Variants in LRRC4C observed in about 807,000 individuals in gnomAD.
LRRC4C encodes the protein leucine rich repeat containing 4C.
In LRRC4C, 5 loss-of-function variants were observed where a neutral mutation model predicts 33.6. That is an observed-to-expected ratio of 0.15 (90% CI 0.08 to 0.31). The LOEUF is 0.31. Among genes scored for constraint, LRRC4C ranks in the 10% least tolerant of loss-of-function variants. The pLI is 1.00. For synonymous variants in LRRC4C, 329 were observed against 302.0 expected, an observed-to-expected ratio of 1.09 and a Z score of -0.93; for missense variants, 560 against 796.7, an observed-to-expected ratio of 0.70 and a Z score of 3.58.
chr11:40,651,334 T>C (rs966903661), intron 2 of LRRC4C, among the ~76,000 whole-genome samples: 2 of 149,680 alleles, frequency 1.3e-5, no homozygotes, highest in Non-Finnish European at 3.0e-5. Context: ...ATAGTAGAAC[T>C]AATTAAAAAG....
chr11:40,972,026 G>C lies in LRRC4C; in HGVS notation c.-495-38303C>G, dbSNP rs141897808. Among the ~76,000 whole-genome samples the C allele has an allele frequency of 2.6e-3, 402 of 152,138 alleles. 2 individuals are homozygous for C. The highest frequency in any genetic ancestry group is 9.3e-3 in the African/African-American group (385 of 41,510). On this transcript the variant is annotated intron_variant, in intron 1 of 6. Coordinates refer to ENST00000528697, the MANE Select transcript of LRRC4C (RefSeq NM_001258419.2). ...TAACTAACTTGTTTTTTATTTTACA[G>C]ACTCATAGGTGAATGGGACTAGCCT...
intron 3 of LRRC4C, among the ~76,000 whole-genome samples, chr11:40,549,019 G>T (rs564948982): frequency 3.3e-5 from 5 of 152,128 alleles, no homozygotes; most frequent in African/African-American, 1.2e-4. Flanking sequence ...AAAGCATTAA[G>T]GTTCATATTA....
At chr11:40,598,806 T>G (rs902674934) in intron 3 of LRRC4C, among the ~76,000 whole-genome samples, 1 of 152,046 alleles carries the variant, frequency 6.6e-6, no homozygotes, top group Non-Finnish European at 1.5e-5. Flanking sequence ...GAACAGAGGG[T>G]GCTGGGGGAG....
chr11:40,704,392 C>G (rs1229586897), intron 2 of LRRC4C, among the ~76,000 whole-genome samples: 3 of 152,158 alleles, frequency 2.0e-5, no homozygotes, highest in Non-Finnish European at 4.4e-5. Flanking sequence ...GAAAGACATT[C>G]TTCCTCCAGC....
At chr11:41,316,190 A>G (rs558959029) in intron 1 of LRRC4C, among the ~76,000 whole-genome samples, 39 of 147,380 alleles carry the variant, frequency 2.6e-4, no homozygotes, top group East Asian at 6.5e-4. Context: ...CTCTTTCTCT[A>G]TAACTGGGGG....
chr11:41,246,098 C>G (rs1311477176), intron 1 of LRRC4C, among the ~76,000 whole-genome samples: 10 of 152,176 alleles, frequency 6.6e-5, no homozygotes, highest in Non-Finnish European at 1.5e-4. Context: ...TCCCTTACCC[C>G]CTGGAGCCTG....
intron 1 of LRRC4C, among the ~76,000 whole-genome samples, chr11:41,319,848 A>T (rs1352278954): frequency 4.0e-4 from 61 of 152,126 alleles, no homozygotes; most frequent in Admixed American, 3.9e-3. Context: ...ACCATACCCA[A>T]CTGTTGCCAA....
At chr11:40,671,338 A>G (rs1320006605) in intron 2 of LRRC4C, among the ~76,000 whole-genome samples, 1 of 152,184 alleles carries the variant, frequency 6.6e-6, no homozygotes, top group Admixed American at 6.5e-5. Flanking sequence ...TTAATATGTT[A>G]GAAAAGATCC....
At chr11:40,557,915 GGA>G (rs1339693182) in intron 3 of LRRC4C, among the ~76,000 whole-genome samples, 1 of 151,982 alleles carries the variant, frequency 6.6e-6, no homozygotes, top group Non-Finnish European at 1.5e-5. Flanking sequence ...TAATGAGCCG[GGA>G]GACCTGGTGA....
At chr11:40,797,163 A>C (rs187439922) in intron 2 of LRRC4C, among the ~76,000 whole-genome samples, 1 of 152,206 alleles carries the variant, frequency 6.6e-6, no homozygotes. Context: ...AGAGAAAAAA[A>C]TTTTTAAAGG....
chr11:40,773,136 G>A (rs923566978), intron 2 of LRRC4C, among the ~76,000 whole-genome samples: 2 of 152,112 alleles, frequency 1.3e-5, no homozygotes, highest in Non-Finnish European at 1.5e-5. Flanking sequence ...ATTTGTGAGA[G>A]CTAAAAATTC....
intron 1 of LRRC4C, among the ~76,000 whole-genome samples, chr11:41,265,974 C>A (rs1014332489): frequency 2.6e-5 from 4 of 151,870 alleles, no homozygotes; most frequent in Non-Finnish European, 5.9e-5. Context: ...AAAAATCAAT[C>A]ACTTTGCTAT....
intron 3 of LRRC4C, among the ~76,000 whole-genome samples, chr11:40,359,961 G>A (rs2137159234): frequency 6.6e-6 from 1 of 152,250 alleles, no homozygotes; most frequent in Middle Eastern, 3.4e-3. Flanking sequence ...AAGTTTTTGA[G>A]AGCCTATTGA....
intron 5 of LRRC4C, among the ~76,000 whole-genome samples, chr11:40,233,812 G>A (rs183919553): frequency 2.0e-5 from 3 of 152,144 alleles, no homozygotes. Flanking sequence ...GTATTTGAAG[G>A]GGTAATGTTC....
chr11:40,330,502 C>T (rs1162326331), intron 3 of LRRC4C, among the ~76,000 whole-genome samples: 2 of 151,992 alleles, frequency 1.3e-5, no homozygotes, highest in South Asian at 2.1e-4. Flanking sequence ...AGCCTGGTCT[C>T]ACGATGCTAT....
At chr11:41,403,988 G>A (rs1381588058) in intron 1 of LRRC4C, among the ~76,000 whole-genome samples, 2 of 151,978 alleles carry the variant, frequency 1.3e-5, no homozygotes, top group East Asian at 3.9e-4. Flanking sequence ...CAATGACCTT[G>A]CAGTAGAAAT....
At chr11:41,443,210 G>A (rs926522376) in intron 1 of LRRC4C, among the ~76,000 whole-genome samples, 2 of 151,592 alleles carry the variant, frequency 1.3e-5, no homozygotes, top group South Asian at 2.1e-4. Context: ...CAAATTAGCG[G>A]AAGGAAACAA....
intron 1 of LRRC4C, among the ~76,000 whole-genome samples, chr11:41,133,714 T>C (rs1395044893): frequency 6.6e-6 from 1 of 152,124 alleles, no homozygotes; most frequent in East Asian, 1.9e-4. Context: ...AAACAAGATC[T>C]AAGGCCATGC....
At chr11:40,912,179 T>A (rs1956729062) in intron 2 of LRRC4C, among the ~76,000 whole-genome samples, 1 of 152,008 alleles carries the variant, frequency 6.6e-6, no homozygotes, top group Non-Finnish European at 1.5e-5. Context: ...ACGTTCAAAT[T>A]CAGGAAATAC....
Sources: gnomAD v4.1 joint callset for allele counts (sites outside exome capture counted in the v4.1 genomes callset) on GRCh38, gnomAD v4.1.1 for gene constraint, MANE v1.5 for transcripts, NCBI Gene and HGNC (gene_info 2026-07-23, HGNC 2026-07-21) for gene names.